Variants in DNAH9 observed in about 807,000 individuals in gnomAD.
The protein encoded by DNAH9 is DNAH9 variant protein.
A neutral mutation model predicts 471.6 loss-of-function variants in DNAH9; 345 were observed. The ratio of observed to expected loss-of-function variants is 0.73; its 90% CI spans 0.67 to 0.80. The LOEUF (loss-of-function observed/expected upper bound fraction) is 0.80, where lower values mean the gene tolerates loss of function less well. Ranked by LOEUF, DNAH9 falls within the 30% of genes least tolerant of loss-of-function variation. DNAH9 has a pLI of 0.00. For missense variants in DNAH9, 5,407 were observed against 5,609.2 expected (o/e 0.96, Z 1.15); for synonymous variants, 2,093 against 2,123.6 (o/e 0.99, Z 0.40).
chr17:11,878,545 TTTTGTTTG>T lies in DNAH9; in HGVS notation c.10479-1513_10479-1506del, dbSNP rs113781997. Among the ~76,000 whole-genome samples, 291 of 151,938 alleles carry T rather than the reference TTTTGTTTG, an allele frequency of 1.9e-3. 2 individuals carry two copies. Among genetic ancestry groups the T allele is most frequent in the Non-Finnish European group, 3.5e-3 (239 of 68,004 alleles). ...CACCTACATTTTTAGTTTTTAGTTT[TTTTGTTTG>T]TTTGTTTGTTTGTTTGTTTTAAGAC... On this transcript the variant is annotated intron_variant, in intron 53 of 68. Transcript: ENST00000262442.
At chr17:11,701,323 C>T in intron 24 of DNAH9, 76 bp downstream of exon 24, 3 of 1,520,912 alleles carry the variant, frequency 2.0e-6, no homozygotes, top group Non-Finnish European at 2.7e-6. Flanking sequence ...CCTTCAGCAG[C>T]TGGTAGATAT....
In DNAH9 at chr17:11,616,539, G is replaced by A. The variant is rs186145787; in HGVS notation, c.905-872G>A. Among the ~76,000 whole-genome samples, 11 of 152,176 alleles carry A rather than the reference G, an allele frequency of 7.2e-5. No homozygotes were observed. In the South Asian group the frequency reaches 8.3e-4, roughly 11 times the overall value. ...GTGCTGCTGGATTTCCTAGTTTCCCGTGTCAGTCACCACAAGACGACTGGT... is the reference window on the plus strand; with the variant it reads ...GTGCTGCTGGATTTCCTAGTTTCCCATGTCAGTCACCACAAGACGACTGGT... On this transcript the variant is annotated intron_variant, in intron 4 of 68. Coordinates refer to ENST00000262442, the MANE Select transcript of DNAH9 (RefSeq NM_001372.4).
intron 22 of DNAH9, among the ~76,000 whole-genome samples, chr17:11,695,833 A>G (rs984259647): frequency 7.9e-5 from 12 of 152,076 alleles, no homozygotes; most frequent in Middle Eastern, 3.2e-3. Context: ...TGCTCTCAAC[A>G]TTGTCTGGGT....
intron 19 of DNAH9, among the ~76,000 whole-genome samples, chr17:11,685,932 G>A (rs1209133077): frequency 6.6e-6 from 1 of 151,482 alleles, no homozygotes; most frequent in Non-Finnish European, 1.5e-5. Flanking sequence ...AGCCTCCCGA[G>A]TAGCTGGGAC....
At chr17:11,661,861 A>G (rs963041046) in intron 14 of DNAH9, among the ~76,000 whole-genome samples, 3 of 152,152 alleles carry the variant, frequency 2.0e-5, no homozygotes, top group African/African-American at 7.2e-5. Flanking sequence ...TTAAGAAAAA[A>G]TATTTACAGT....
At chr17:11,669,943 A>T (rs1028646249) in intron 17 of DNAH9, 149 bp downstream of exon 17, 39 of 703,152 alleles carry the variant, frequency 5.5e-5, no homozygotes, top group Non-Finnish European at 9.3e-5. Context: ...TTTGGACACC[A>T]TGGTAACTTA....
chr17:11,852,709 G>A (rs1024969042), intron 49 of DNAH9, among the ~76,000 whole-genome samples: 2 of 151,058 alleles, frequency 1.3e-5, no homozygotes, highest in Non-Finnish European at 2.9e-5. Context: ...CCTGGGTCAC[G>A]ACAGGTAGGA....
At chr17:11,668,498 C>T (rs1197346039) in intron 15 of DNAH9, among the ~76,000 whole-genome samples, 1 of 152,040 alleles carries the variant, frequency 6.6e-6, no homozygotes, top group Non-Finnish European at 1.5e-5. Context: ...CACCCTATCT[C>T]TACTACAAAT....
At chr17:11,849,178 C>G (rs116864989) in intron 49 of DNAH9, among the ~76,000 whole-genome samples, 1 of 152,114 alleles carries the variant, frequency 6.6e-6, no homozygotes, top group South Asian at 2.1e-4. Flanking sequence ...TACACTAGCT[C>G]GAAAATATGT....
At chr17:11,943,096 G>A (rs1458726249) in intron 67 of DNAH9, among the ~76,000 whole-genome samples, 3 of 151,572 alleles carry the variant, frequency 2.0e-5, no homozygotes, top group Middle Eastern at 3.4e-3. Context: ...GGGTTTCACC[G>A]TGTTAGCCAG....
At chr17:11,852,814 G>GTGTGTGTA (rs1169950713) in intron 49 of DNAH9, among the ~76,000 whole-genome samples, 120 of 92,642 alleles carry the variant, frequency 1.3e-3, no homozygotes, top group Non-Finnish European at 1.9e-3. Context: ...GTGTGTGTGT[G>GTGTGTGTA]TATATATATA....
At chr17:11,637,060 G>T (rs370939757) in intron 9 of DNAH9, among the ~76,000 whole-genome samples, 3 of 152,254 alleles carry the variant, frequency 2.0e-5, no homozygotes, top group African/African-American at 7.2e-5. Context: ...CATTATGGAT[G>T]AGTTGACCCT....
At chr17:11,605,997 G>T (rs541032191) in intron 1 of DNAH9, among the ~76,000 whole-genome samples, 1 of 121,918 alleles carries the variant, frequency 8.2e-6, no homozygotes, top group Admixed American at 7.7e-5. Context: ...ATAAGATAGA[G>T]TCCCTGCCTT....
At chr17:11,725,165 G>A (rs2075130353) in intron 27 of DNAH9, among the ~76,000 whole-genome samples, 2 of 152,228 alleles carry the variant, frequency 1.3e-5, no homozygotes, top group East Asian at 3.9e-4. Flanking sequence ...CTCACCTCCT[G>A]CTGTGCGGCC....
At chr17:11,887,975 T>C (rs1011744593) in intron 57 of DNAH9, among the ~76,000 whole-genome samples, 7 of 150,376 alleles carry the variant, frequency 4.7e-5, no homozygotes, top group African/African-American at 1.7e-4. Context: ...TTTATAATAT[T>C]TTATGGTTTT....
At chr17:11,783,585 C>A in intron 39 of DNAH9, 61 bp from the exon 40 acceptor site, 1 of 1,360,644 alleles carries the variant, frequency 7.3e-7, no homozygotes, top group Non-Finnish European at 1.0e-6. Flanking sequence ...CGCACCTTGA[C>A]AAAGCACTCA....
In DNAH9 at chr17:11,669,255, T is replaced by C; in HGVS notation, c.2923T>C (p.Tyr975His). ...RLSPQNGSPH[Y>H]QVDLDGIPDL... ...TTCCCCACAAAATGGCTCTCCTCAC[T>C]ATCAGGTACTGGAGCTGCAGCCATC... The change falls in exon 16 of 69, where the codon TAT becomes CAT. Residue 975 changes from tyrosine (Y) to histidine (H), a missense_variant. By Grantham distance (83) the Tyr-to-His change is moderately conservative. Around this residue, in one of 3 missense-constraint regions of DNAH9, gnomAD observed 4,636 missense variants for 4,900.3 expected, o/e 0.95. Coordinates refer to ENST00000262442, the MANE Select transcript of DNAH9 (RefSeq NM_001372.4). 1 of 1,612,674 alleles carries C rather than the reference T, an allele frequency of 6.2e-7. No homozygotes were observed. Among genetic ancestry groups the C allele is most frequent in the Non-Finnish European group, 8.5e-7 (1 of 1,179,124 alleles).
intron 67 of DNAH9, among the ~76,000 whole-genome samples, chr17:11,957,350 A>G (rs754756756): frequency 1.1e-4 from 17 of 152,218 alleles, no homozygotes; most frequent in Non-Finnish European, 1.9e-4. Context: ...CCAATTTTAC[A>G]TAAACTCTTC....
At chr17:11,694,491 G>A (rs375829067) in intron 22 of DNAH9, 44 bp downstream of exon 22, 47 of 1,610,612 alleles carry the variant, frequency 2.9e-5, no homozygotes, top group Non-Finnish European at 3.5e-5. Flanking sequence ...GAGGGCTGAG[G>A]GGTGCCCAGC....
Sources: gnomAD v4.1 joint callset for allele counts (sites outside exome capture counted in the v4.1 genomes callset) on GRCh38, gnomAD v4.1.1 for gene constraint, gnomAD v4.1.1 regional missense constraint, MANE v1.5 for transcripts, NCBI Gene and HGNC (gene_info 2026-07-23, HGNC 2026-07-21) for gene names.